Variants in ILDR2 observed in about 807,000 individuals in gnomAD.
ILDR2 encodes the protein immunoglobulin-like domain-containing receptor 2.
In ILDR2, 25 loss-of-function variants were observed where a neutral mutation model predicts 66.8. The ratio of observed to expected loss-of-function variants is 0.37; its 90% CI spans 0.27 to 0.52. The LOEUF (loss-of-function observed/expected upper bound fraction) is 0.52. Ranked by LOEUF, ILDR2 falls within the 20% of genes least tolerant of loss-of-function variation. The pLI is 0.88. For synonymous variants in ILDR2, 367 were observed against 357.2 expected (o/e 1.03, Z -0.31); for missense variants, 827 against 876.8 (o/e 0.94, Z 0.72).
Position 166,920,946 on chromosome 1 carries a change from C to G in ILDR2, c.1645G>C (p.Glu549Gln). The change falls in exon 9 of 10, where the codon GAG (glutamate) becomes CAG (glutamine). Residue 549 changes from glutamate to glutamine, a missense_variant. Glu to Gln is a conservative substitution (Grantham distance 29). Around this residue, in one of 2 missense-constraint regions of ILDR2, gnomAD observed 390 missense variants for 353.6 expected, o/e 1.10. Transcript: ENST00000271417. Reference sequence around the variant, plus strand: ...TGCGCGCTCCGCTTGGATGGCGTCTCCAGGCTGCCACCGCGGCTGGCGCCC... The same window carrying G: ...TGCGCGCTCCGCTTGGATGGCGTCTGCAGGCTGCCACCGCGGCTGGCGCCC... Reference protein sequence around the residue: ...PEGASRGGSLETPSKRSAQLG... With the variant: ...PEGASRGGSLQTPSKRSAQLG... The G allele has an allele frequency of 2.0e-6, 3 of 1,484,634 alleles. No homozygotes were observed. Among genetic ancestry groups the G allele is most frequent in the Non-Finnish European group, 2.7e-6 (3 of 1,127,152 alleles). The allele number at this position is 1,484,634 out of a possible 1,614,324, so 92.0% of individuals were successfully genotyped here.
At chr1:166,953,848 A>G (rs1420495750) in intron 3 of ILDR2, among the ~76,000 whole-genome samples, 1 of 152,226 alleles carries the variant, frequency 6.6e-6, no homozygotes, top group East Asian at 1.9e-4. Context: ...TTTCCTGTGC[A>G]TAAGTACCTC....
intron 1 of ILDR2, among the ~76,000 whole-genome samples, chr1:166,974,292 C>T (rs1328339014): frequency 2.0e-5 from 3 of 152,202 alleles, no homozygotes; most frequent in Non-Finnish European, 4.4e-5. Flanking sequence ...ATTCCTCACC[C>T]CCATCCTACT....
rs1261023987 is a variant in ILDR2, at chr1:166,911,747, T to A, written c.*7608A>T. Reference sequence around the variant, plus strand: ...CTCCTAGAAATGAAATACATATTAATTAAAATTAAAACTCAAATAAAGGAG... The same window carrying A: ...CTCCTAGAAATGAAATACATATTAAATAAAATTAAAACTCAAATAAAGGAG... On this transcript the variant is annotated 3_prime_UTR_variant, in exon 10 of 10. Transcript: ENST00000271417. The A allele has an allele frequency of 6.6e-6, 1 of 150,602 alleles. No individual in the cohort carries two copies. Among genetic ancestry groups the A allele is most frequent in the East Asian group, 1.9e-4 (1 of 5,182 alleles). 9.3% of individuals were successfully genotyped at this position (150,602 alleles called of 1,614,324 possible).
In ILDR2 at chr1:166,936,560, G is replaced by A. The variant is rs1351438488; in HGVS notation, c.703+31C>T. On this transcript the variant is annotated intron_variant, in intron 5 of 9. Transcript: ENST00000271417. This position sits in a 1 kb window ranked among gnomAD's most constrained non-coding sequence, Gnocchi z 5.0. ...AGAGAGGTAGACATTTCTCTCGATC[G>A]CTCTGTCTCCCCAGCGGTCACTGTA... is the stretch of plus-strand genomic sequence containing the variant. The A allele has an allele frequency of 9.3e-6, 15 of 1,613,764 alleles. No homozygotes were observed. Among genetic ancestry groups the A allele is most frequent in the East Asian group, 4.5e-5 (2 of 44,880 alleles).
At chr1:166,941,782 A>C (rs1661324114) in intron 3 of ILDR2, among the ~76,000 whole-genome samples, 2 of 152,252 alleles carry the variant, frequency 1.3e-5, no homozygotes, top group Non-Finnish European at 2.9e-5. Flanking sequence ...CCAATGTTTT[A>C]AACATCTCTG....
At chr1:166,974,553 G>A (rs1023681480) in intron 1 of ILDR2, among the ~76,000 whole-genome samples, 1 of 152,096 alleles carries the variant, frequency 6.6e-6, no homozygotes, top group African/African-American at 2.4e-5. Context: ...TTTAGGGAGC[G>A]GAGAGTGCAC....
At chr1:166,931,832 G>A (rs1017638452) in intron 6 of ILDR2, among the ~76,000 whole-genome samples, 2 of 152,218 alleles carry the variant, frequency 1.3e-5, no homozygotes, top group South Asian at 2.1e-4. Context: ...CATCCACTGA[G>A]ATAAGATATG....
In ILDR2 at chr1:166,975,384, C is replaced by T; in HGVS notation, c.-116G>A. On this transcript the variant is annotated 5_prime_UTR_variant, in exon 1 of 10. Coordinates refer to ENST00000271417, the MANE Select transcript of ILDR2 (RefSeq NM_199351.3). Reference sequence around the variant, plus strand: ...CGGCGGAGCGGCGGGCACCGGGCGTCCCTGGGCGCAGCGCCCGCCGGGCCG... The same window carrying T: ...CGGCGGAGCGGCGGGCACCGGGCGTTCCTGGGCGCAGCGCCCGCCGGGCCG... The T allele has an allele frequency of 3.5e-6, 2 of 579,246 alleles. No homozygotes were observed. The highest frequency in any genetic ancestry group is 1.1e-4 in the Admixed American group (2 of 18,132). 35.9% of individuals were successfully genotyped at this position (579,246 alleles called of 1,614,324 possible).
downstream of ILDR2, among the ~76,000 whole-genome samples, chr1:166,903,473 G>A (rs938132162): frequency 2.6e-5 from 4 of 152,186 alleles, no homozygotes; most frequent in Non-Finnish European, 4.4e-5. Context: ...GGTGTTGCAC[G>A]TATCTCTTCT....
chr1:166,896,434 T>C (rs1377753097), intron 2 of ILDR2, among the ~76,000 whole-genome samples: 1 of 152,100 alleles, frequency 6.6e-6, no homozygotes, highest in Non-Finnish European at 1.5e-5. Flanking sequence ...GCTTGTGCTA[T>C]TGAACAAGAC....
downstream of ILDR2, among the ~76,000 whole-genome samples, chr1:166,904,294 C>T (rs1202680383): frequency 2.6e-5 from 4 of 152,198 alleles, no homozygotes; most frequent in African/African-American, 9.7e-5. Context: ...CCATTGCCCT[C>T]ATCTATAGAT....
In ILDR2 at chr1:166,908,221, C is replaced by G. The variant is rs565290643; in HGVS notation, c.*11134G>C. Reference sequence around the variant, plus strand: ...TATCAGAAATTTATTTCTCACAGTTCTAGAATCTGGGAAGTCCAAGCTCAG... The same window carrying G: ...TATCAGAAATTTATTTCTCACAGTTGTAGAATCTGGGAAGTCCAAGCTCAG... On this transcript the variant is annotated 3_prime_UTR_variant, in exon 10 of 10. Transcript: ENST00000271417. The G allele has an allele frequency of 8.5e-4, 130 of 152,322 alleles. No homozygotes were observed. The highest frequency in any genetic ancestry group is 3.0e-3 in the African/African-American group (125 of 41,562). 9.4% of individuals were successfully genotyped at this position (152,322 alleles called of 1,614,324 possible). A position where few individuals can be genotyped will look rare whatever the true frequency, so the allele number is the denominator to read the frequency against.
At position 166,958,373 on chromosome 1, in the gene ILDR2, CT is replaced by C. The variant is rs550295072; in HGVS notation, c.47-273del. Among the ~76,000 whole-genome samples the C allele has an allele frequency of 7.2e-5, 11 of 152,226 alleles. No homozygotes were observed. In the South Asian group the frequency reaches 1.9e-3, roughly 26 times the overall value. ...ACTGGATTATGGGGGTGGGTTTCCC[CT>C]GTGCTGTTCTCGTGGTAGGGAGTGA... On this transcript the variant is annotated intron_variant, in intron 1 of 9. Transcript: ENST00000271417.
chr1:166,948,774 T>G (rs1661792449), intron 3 of ILDR2, among the ~76,000 whole-genome samples: 1 of 152,142 alleles, frequency 6.6e-6, no homozygotes, highest in South Asian at 2.1e-4. Flanking sequence ...AGCAGGAGTC[T>G]CCAAATGTAG....
At chr1:166,902,960 A>G (rs1256761473) in intron 2 of ILDR2, among the ~76,000 whole-genome samples, 1 of 152,022 alleles carries the variant, frequency 6.6e-6, no homozygotes, top group African/African-American at 2.4e-5. Context: ...TATTTTCTCT[A>G]CCTCCAAAAT....
At chr1:166,933,465 G>T in intron 6 of ILDR2, 1 of 684,174 alleles carries the variant, frequency 1.5e-6, no homozygotes, top group Non-Finnish European at 1.8e-6. Context: ...CACCTGAACT[G>T]TTCTATTAAC....
intron 6 of ILDR2, among the ~76,000 whole-genome samples, chr1:166,935,001 G>C (rs969660999): frequency 6.6e-6 from 1 of 152,226 alleles, no homozygotes; most frequent in Non-Finnish European, 1.5e-5. Context: ...CCTGTAGGTA[G>C]GGATGAAACA....
In ILDR2 at chr1:166,975,304, A is replaced by G. The variant is rs1390288694; in HGVS notation, c.-36T>C. 6.2e-7 allele frequency: 1 copy of G among 1,603,658 alleles called. No individual in the cohort carries two copies. Among genetic ancestry groups the G allele is most frequent in the Non-Finnish European group, 8.5e-7 (1 of 1,171,394 alleles). ...TTCCCAGCCGAATTACGGAGTGAGG[A>G]AAGTGGGAAATGGCTGGAACAGAAG... On this transcript the variant is annotated 5_prime_UTR_variant, in exon 1 of 10. Transcript: ENST00000271417.
intron 2 of ILDR2, among the ~76,000 whole-genome samples, chr1:166,897,651 A>G (rs553859791): frequency 3.3e-5 from 5 of 152,342 alleles, no homozygotes; most frequent in African/African-American, 9.6e-5. Flanking sequence ...TGACACTCCA[A>G]TAAAAACTCT....
Sources: allele counts gnomAD v4.1 joint callset (sites outside exome capture counted in the v4.1 genomes callset), GRCh38; gene constraint gnomAD v4.1.1; regional missense constraint gnomAD v4.1.1; non-coding constraint Gnocchi (gnomAD v3.1); transcripts MANE v1.5; gene names NCBI Gene and HGNC (gene_info 2026-07-23, HGNC 2026-07-21).